ATAD2B: variants seen among roughly 807,000 people sequenced by gnomAD.
ATAD2B encodes ATPase family AAA domain-containing protein 2B.
A neutral mutation model predicts 167.6 loss-of-function variants in ATAD2B; 40 were observed. The observed-to-expected ratio is 0.24, with a 90% CI of 0.19 to 0.31. ATAD2B has a LOEUF of 0.31. Among genes scored for constraint, ATAD2B ranks in the 10% least tolerant of loss-of-function variants. ATAD2B has a pLI of 1.00. For missense variants in ATAD2B, 1,242 were observed against 1,757.2 expected, an observed-to-expected ratio of 0.71 and a Z score of 5.24; for synonymous variants, 579 against 596.5, an observed-to-expected ratio of 0.97 and a Z score of 0.43.
chr2:23,850,477 G>A (rs1252690620), intron 13 of ATAD2B, among the ~76,000 whole-genome samples: 1 of 152,082 alleles, frequency 6.6e-6, no homozygotes, highest in Non-Finnish European at 1.5e-5. Flanking sequence ...TCTGAAAAAG[G>A]GAGTTAAATT....
the ATAD2B span, among the ~76,000 whole-genome samples, chr2:23,730,463 G>A: frequency 1.9e-3 from 295 of 151,726 alleles, 2 homozygotes; most frequent in African/African-American, 6.8e-3. Flanking sequence ...TCAGGAGATC[G>A]AGACCATCCT....
At chr2:23,734,991 T>C in the ATAD2B span, among the ~76,000 whole-genome samples, 1 of 152,226 alleles carries the variant, frequency 6.6e-6, no homozygotes, top group Non-Finnish European at 1.5e-5. Context: ...GTAGTTACTA[T>C]ATCTTGTTGA....
At chr2:23,704,682 G>T in the ATAD2B span, among the ~76,000 whole-genome samples, 1 of 148,964 alleles carries the variant, frequency 6.7e-6, no homozygotes, top group African/African-American at 2.4e-5. Flanking sequence ...CAGGAGAATC[G>T]CTTGAACCCG....
the ATAD2B span, chr2:23,697,896 G>GA: frequency 6.6e-6 from 1 of 152,162 alleles, no homozygotes; most frequent in African/African-American, 2.4e-5. Context: ...ACAAACACAT[G>GA]AAAAATGAGA....
intron 3 of ATAD2B, 92 bp from the exon 4 acceptor site, chr2:23,888,077 C>T (rs1293517633): frequency 1.2e-5 from 13 of 1,107,760 alleles, no homozygotes; most frequent in Non-Finnish European, 1.4e-5. Flanking sequence ...TAAAAGACTA[C>T]AAAAAATTTA....
chr2:23,863,234 T>C lies in ATAD2B; in HGVS notation c.1479+147A>G, dbSNP rs568701258. ...TGATGCAGGAGAATTGCTAGAGCCC[T>C]GGATGTCAAGACAGTAGTGAGACGA... is the stretch of plus-strand genomic sequence containing the variant. On this transcript the variant is annotated intron_variant, in intron 12 of 27. Coordinates refer to ENST00000238789, the MANE Select transcript of ATAD2B (RefSeq NM_017552.4). The C allele has an allele frequency of 3.1e-5, 22 of 716,650 alleles. No individual in the cohort carries two copies. In the South Asian group the frequency reaches 4.7e-4, roughly 15 times the overall value. The allele number at this position is 716,650 out of a possible 1,614,324, so 44.4% of individuals were successfully genotyped here. A position where few individuals can be genotyped will look rare whatever the true frequency, so the allele number is the denominator to read the frequency against.
chr2:23,891,808 T>G (rs1002172716), intron 2 of ATAD2B, among the ~76,000 whole-genome samples: 1 of 152,240 alleles, frequency 6.6e-6, no homozygotes, highest in South Asian at 2.1e-4. Flanking sequence ...TAACCCTGTT[T>G]CCTGAATTTT....
chr2:23,863,702 A>G, intron 11 of ATAD2B, 147 bp from the exon 12 acceptor site: 1 of 761,950 alleles, frequency 1.3e-6, no homozygotes, highest in Non-Finnish European at 2.0e-6. Flanking sequence ...GATATAGACA[A>G]AAGTTTTACT....
chr2:23,913,813 T>C (rs1359665937), intron 1 of ATAD2B, among the ~76,000 whole-genome samples: 2 of 151,596 alleles, frequency 1.3e-5, no homozygotes, highest in Non-Finnish European at 1.5e-5. Flanking sequence ...GTATGAAAAA[T>C]AGTATTGGCC....
chr2:23,687,981 G>A, the ATAD2B span, among the ~76,000 whole-genome samples: 1 of 152,130 alleles, frequency 6.6e-6, no homozygotes, highest in Non-Finnish European at 1.5e-5. Flanking sequence ...GGGCTTGGCT[G>A]CCCCCCATGG....
At position 23,858,206 on chromosome 2, in the gene ATAD2B, C is replaced by T. The variant is rs1038464226; in HGVS notation, c.1480-703G>A. Reference sequence around the variant, plus strand: ...TGCAATCTTGGTTCACTGCAACCTCCGCCTCCCGGGTTCAACTGATTCTCC... The same window carrying T: ...TGCAATCTTGGTTCACTGCAACCTCTGCCTCCCGGGTTCAACTGATTCTCC... On this transcript the variant is annotated intron_variant, in intron 12 of 27. Coordinates refer to ENST00000238789, the MANE Select transcript of ATAD2B (RefSeq NM_017552.4). 9.9e-5 allele frequency among the ~76,000 whole-genome samples: 15 copies of T among 151,946 alleles called. No individual in the cohort carries two copies. In the East Asian group the frequency reaches 2.3e-3, roughly 24 times the overall value.
chr2:23,679,149 G>A, the ATAD2B span, among the ~76,000 whole-genome samples: 3 of 152,112 alleles, frequency 2.0e-5, no homozygotes, highest in East Asian at 5.8e-4. Flanking sequence ...ATCTATTCAT[G>A]CCTTGTGTAT....
At chr2:23,766,443 A>G (rs975414979) in intron 22 of ATAD2B, among the ~76,000 whole-genome samples, 8 of 152,240 alleles carry the variant, frequency 5.3e-5, no homozygotes, top group African/African-American at 1.7e-4. Context: ...GGCAAACAGT[A>G]TAGACAAAGT....
At chr2:23,876,362 C>A (rs547044183) in intron 7 of ATAD2B, among the ~76,000 whole-genome samples, 1 of 150,818 alleles carries the variant, frequency 6.6e-6, no homozygotes, top group African/African-American at 2.4e-5. Flanking sequence ...AGTGCAGTGG[C>A]GCGATCTCGG....
At chr2:23,892,900 A>C (rs1482231691) in intron 2 of ATAD2B, among the ~76,000 whole-genome samples, 1 of 152,248 alleles carries the variant, frequency 6.6e-6, no homozygotes, top group Non-Finnish European at 1.5e-5. Flanking sequence ...AAAAGTCAAT[A>C]AAATAGCATC....
intron 15 of ATAD2B, among the ~76,000 whole-genome samples, chr2:23,828,611 T>G (rs1688593077): frequency 2.6e-5 from 4 of 152,214 alleles, no homozygotes; most frequent in Admixed American, 2.6e-4. Flanking sequence ...CAGCACTCAA[T>G]GAAAGGCATG....
intron 24 of ATAD2B, among the ~76,000 whole-genome samples, chr2:23,758,491 C>T (rs1676222873): frequency 6.6e-6 from 1 of 152,194 alleles, no homozygotes; most frequent in Non-Finnish European, 1.5e-5. Context: ...CCTGGATTTC[C>T]ACCAGGAAGG....
At chr2:23,904,960 A>G (rs1170089135) in intron 1 of ATAD2B, among the ~76,000 whole-genome samples, 1 of 152,202 alleles carries the variant, frequency 6.6e-6, no homozygotes, top group Non-Finnish European at 1.5e-5. Flanking sequence ...TGGCAAGCAT[A>G]TAAAATGTTC....
chr2:23,835,154 C>G (rs1689721073), intron 13 of ATAD2B, among the ~76,000 whole-genome samples: 1 of 152,118 alleles, frequency 6.6e-6, no homozygotes, highest in Non-Finnish European at 1.5e-5. Context: ...TATTGCAGTT[C>G]CTCTGTTAAA....
Sources: gnomAD v4.1 joint callset for allele counts (sites outside exome capture counted in the v4.1 genomes callset) on GRCh38, gnomAD v4.1.1 for gene constraint, MANE v1.5 for transcripts, NCBI Gene and HGNC (gene_info 2026-07-23, HGNC 2026-07-21) for gene names.